The following ENTREP2 variants were observed in gnomAD, a reference collection of about 807,000 sequenced individuals.
ENTREP2 encodes protein ENTREP2.
the ENTREP2 span, among the ~76,000 whole-genome samples, chr15:29,338,160 T>C: frequency 6.6e-6 from 1 of 151,820 alleles, no homozygotes; most frequent in African/African-American, 2.4e-5. Context: ...CACTTTTGAG[T>C]GTGGGCAAGG....
chr15:29,521,536 T>C, the ENTREP2 span, among the ~76,000 whole-genome samples: 1 of 152,082 alleles, frequency 6.6e-6, no homozygotes, highest in East Asian at 1.9e-4. Flanking sequence ...CAGGAGAGAT[T>C]TAGAGACATA....
chr15:29,488,812 C>T, the ENTREP2 span, among the ~76,000 whole-genome samples: 2 of 152,142 alleles, frequency 1.3e-5, no homozygotes, highest in South Asian at 2.1e-4. Flanking sequence ...TCCAACCAAG[C>T]ATTGTATGAT....
the ENTREP2 span, among the ~76,000 whole-genome samples, chr15:29,490,301 T>C: frequency 7.9e-5 from 12 of 152,162 alleles, no homozygotes; most frequent in Admixed American, 7.9e-4. Context: ...TCGCTGTGAG[T>C]ATTACAGCTC....
the ENTREP2 span, among the ~76,000 whole-genome samples, chr15:29,488,346 C>T: frequency 6.6e-6 from 1 of 152,032 alleles, no homozygotes; most frequent in Non-Finnish European, 1.5e-5. Flanking sequence ...AACCCGCGAA[C>T]ATAAAGACAG....
the ENTREP2 span, among the ~76,000 whole-genome samples, chr15:29,171,933 G>GGAGCT: frequency 6.6e-6 from 1 of 152,062 alleles, no homozygotes; most frequent in East Asian, 1.9e-4. Context: ...TACTGACAGA[G>GGAGCT]GTGTCCAAAC....
At chr15:29,280,163 T>C in the ENTREP2 span, among the ~76,000 whole-genome samples, 1 of 152,176 alleles carries the variant, frequency 6.6e-6, no homozygotes, top group Non-Finnish European at 1.5e-5. Flanking sequence ...TTCTATTAGA[T>C]CATTAAAAGA....
At chr15:29,448,861 GT>G in the ENTREP2 span, among the ~76,000 whole-genome samples, 1 of 152,112 alleles carries the variant, frequency 6.6e-6, no homozygotes, top group Non-Finnish European at 1.5e-5. Flanking sequence ...CAATCTGAAA[GT>G]ATAAAAGATA....
chr15:29,134,681 G>A, the ENTREP2 span, among the ~76,000 whole-genome samples: 1 of 152,228 alleles, frequency 6.6e-6, no homozygotes, highest in Admixed American at 6.5e-5. Flanking sequence ...TTGTGGGTGT[G>A]ATTGTCGGAA....
At chr15:29,294,669 T>C in the ENTREP2 span, among the ~76,000 whole-genome samples, 1 of 152,188 alleles carries the variant, frequency 6.6e-6, no homozygotes, top group African/African-American at 2.4e-5. Flanking sequence ...GAAATGAAAG[T>C]GCCATAATTT....
At chr15:29,538,534 C>T in the ENTREP2 span, among the ~76,000 whole-genome samples, 12 of 150,698 alleles carry the variant, frequency 8.0e-5, no homozygotes, top group African/African-American at 2.9e-4. Context: ...GTGGCTCACG[C>T]TTGTAATCCC....
chr15:29,452,122 C>T, the ENTREP2 span, among the ~76,000 whole-genome samples: 1 of 152,226 alleles, frequency 6.6e-6, no homozygotes, highest in African/African-American at 2.4e-5. Flanking sequence ...AATTAATTCC[C>T]TAAGCCAAAC....
chr15:29,230,499 A>C, the ENTREP2 span, among the ~76,000 whole-genome samples: 3 of 152,246 alleles, frequency 2.0e-5, no homozygotes, highest in Non-Finnish European at 4.4e-5. Context: ...TCCCCTAAAT[A>C]AATGTATGAT....
chr15:29,338,425 CAAAA>C, the ENTREP2 span, among the ~76,000 whole-genome samples: 2 of 80,622 alleles, frequency 2.5e-5, no homozygotes, highest in African/African-American at 3.9e-5. Context: ...GACTCCATCT[CAAAA>C]AAAAAAAAAA....
At chr15:29,220,833 C>G in the ENTREP2 span, among the ~76,000 whole-genome samples, 1 of 151,852 alleles carries the variant, frequency 6.6e-6, no homozygotes, top group Non-Finnish European at 1.5e-5. Context: ...AAACTACCTG[C>G]TTTTCATTTC....
At chr15:29,155,077 T>C in the ENTREP2 span, among the ~76,000 whole-genome samples, 1 of 150,898 alleles carries the variant, frequency 6.6e-6, no homozygotes, top group African/African-American at 2.4e-5. Flanking sequence ...GGTCAGGAGA[T>C]CGAGACCATC....
chr15:29,427,358 A>G, the ENTREP2 span, among the ~76,000 whole-genome samples: 5 of 152,212 alleles, frequency 3.3e-5, no homozygotes, highest in Admixed American at 1.3e-4. Context: ...GGTACCTGAG[A>G]TATAGCCCTA....
At chr15:29,423,827 C>T in the ENTREP2 span, among the ~76,000 whole-genome samples, 1 of 152,016 alleles carries the variant, frequency 6.6e-6, no homozygotes, top group African/African-American at 2.4e-5. Flanking sequence ...TCTAAGGACT[C>T]CGTTCACAGT....
chr15:29,410,448 CA>C, the ENTREP2 span, among the ~76,000 whole-genome samples: 1 of 152,028 alleles, frequency 6.6e-6, no homozygotes, highest in African/African-American at 2.4e-5. Context: ...CCTGGGGCAA[CA>C]GAGACTTGAG....
chr15:29,357,381 A>G, the ENTREP2 span, among the ~76,000 whole-genome samples: 1 of 152,202 alleles, frequency 6.6e-6, no homozygotes, highest in African/African-American at 2.4e-5. Flanking sequence ...TGACATGGTA[A>G]GTCAAAGCCT....
Sources: allele counts gnomAD v4.1 joint callset (sites outside exome capture counted in the v4.1 genomes callset), GRCh38; gene constraint gnomAD v4.1.1; transcripts MANE v1.5; gene names NCBI Gene and HGNC (gene_info 2026-07-23, HGNC 2026-07-21).